Variants in ANKH observed in about 807,000 individuals in gnomAD.
The protein encoded by ANKH is ANKH inorganic pyrophosphate transport regulator.
ANKH carries 15 observed loss-of-function variants against 49.0 expected under a neutral mutation model. The ratio of observed to expected loss-of-function variants is 0.31; its 90% CI spans 0.20 to 0.47. The LOEUF is 0.47. ANKH is among the 20% of genes least tolerant of loss of function. ANKH has a pLI of 1.00. For synonymous variants in ANKH, 273 were observed against 260.0 expected (o/e 1.05, Z -0.48); for missense variants, 429 against 652.0 (o/e 0.66, Z 3.72).
chr5:14,714,546 T>C (rs534243700), intron 9 of ANKH, among the ~76,000 whole-genome samples: 2 of 152,312 alleles, frequency 1.3e-5, no homozygotes, highest in Admixed American at 1.3e-4. Context: ...TTCCAGGATA[T>C]GCTGGTTTGG....
rs549745539 is a variant in ANKH at position 14,825,482 on chromosome 5, G to A, written c.96+45870C>T. 2.6e-5 allele frequency among the ~76,000 whole-genome samples: 4 copies of A among 152,240 alleles called. No homozygotes were observed. The South Asian group carries it at 8.3e-4, about 32-fold the overall frequency. Reference sequence around the variant, plus strand: ...TCCTCCCATCTCAGCCTCCCGAGTAGCTGAGACTACAGGTGTGCACCACCA... The same window carrying A: ...TCCTCCCATCTCAGCCTCCCGAGTAACTGAGACTACAGGTGTGCACCACCA... On this transcript the variant is annotated intron_variant, in intron 1 of 11. Coordinates refer to ENST00000284268, the MANE Select transcript of ANKH (RefSeq NM_054027.6).
chr5:14,711,326 C>A lies in ANKH; in HGVS notation c.1366-16G>T. On this transcript the variant is annotated splice_polypyrimidine_tract_variant and intron_variant, in intron 11 of 11. Coordinates refer to ENST00000284268, the MANE Select transcript of ANKH (RefSeq NM_054027.6). ...TCTTCTTTTTCTAGACCAAAGAAGACTCATCAGTGTGGGGCTGTGGATGGG... is the reference window on the plus strand; with the variant it reads ...TCTTCTTTTTCTAGACCAAAGAAGAATCATCAGTGTGGGGCTGTGGATGGG... 1 of 1,606,568 alleles carries A rather than the reference C, an allele frequency of 6.2e-7. No individual in the cohort carries two copies. The highest frequency in any genetic ancestry group is 8.5e-7 in the Non-Finnish European group (1 of 1,173,132).
At chr5:14,743,828 C>G (rs1431972925) in intron 7 of ANKH, among the ~76,000 whole-genome samples, 1 of 152,192 alleles carries the variant, frequency 6.6e-6, no homozygotes, top group Non-Finnish European at 1.5e-5. Flanking sequence ...TTTTATAGCT[C>G]CTAGCCTCTG....
intron 1 of ANKH, among the ~76,000 whole-genome samples, chr5:14,848,126 G>A (rs914367735): frequency 6.6e-6 from 1 of 152,140 alleles, no homozygotes; most frequent in South Asian, 2.1e-4. Flanking sequence ...GCGATGGACC[G>A]AGATTCTGTT....
At chr5:14,785,078 G>A (rs770396572) in intron 1 of ANKH, among the ~76,000 whole-genome samples, 8 of 152,188 alleles carry the variant, frequency 5.3e-5, no homozygotes, top group Non-Finnish European at 1.0e-4. Context: ...TGAGGTCTGA[G>A]AGCAGACAGT....
intron 1 of ANKH, among the ~76,000 whole-genome samples, chr5:14,838,513 A>G (rs1173842300): frequency 6.6e-6 from 1 of 152,094 alleles, no homozygotes; most frequent in African/African-American, 2.4e-5. Flanking sequence ...CTTGGACTCA[A>G]GGGGTATGTA....
chr5:14,824,147 G>A (rs1207772086), intron 1 of ANKH, among the ~76,000 whole-genome samples: 1 of 152,014 alleles, frequency 6.6e-6, no homozygotes, highest in Non-Finnish European at 1.5e-5. Context: ...TCCCAGCAGG[G>A]CCATCCTTCC....
chr5:14,831,812 T>C (rs1741514770), intron 1 of ANKH, among the ~76,000 whole-genome samples: 1 of 152,208 alleles, frequency 6.6e-6, no homozygotes, highest in Non-Finnish European at 1.5e-5. Context: ...TTCACCGTGC[T>C]AATTAAGGAA....
At chr5:14,790,152 G>T (rs916702474) in intron 1 of ANKH, among the ~76,000 whole-genome samples, 1 of 152,116 alleles carries the variant, frequency 6.6e-6, no homozygotes, top group Non-Finnish European at 1.5e-5. Flanking sequence ...TTTCTACTCC[G>T]CCTCCCTCCT....
Position 14,769,073 on chromosome 5 carries a change from A to G in ANKH, c.215T>C (p.Val72Ala), listed in dbSNP as rs1239514408. Reference sequence around the variant, plus strand: ...CTTGCTGTTCACAAACACCAGGCCCACATTTTTGAAGTCACTCATGGGACC... The same window carrying G: ...CTTGCTGTTCACAAACACCAGGCCCGCATTTTTGAAGTCACTCATGGGACC... Reference protein sequence around the residue: ...FTGPMSDFKNVGLVFVNSKRD... With the variant: ...FTGPMSDFKNAGLVFVNSKRD... The change falls in exon 2 of 12, where the codon GTG (valine) becomes GCG (alanine). Residue 72 changes from valine to alanine, a missense_variant. Coordinates refer to ENST00000284268, the MANE Select transcript of ANKH (RefSeq NM_054027.6). 1 of 1,614,054 alleles carries G rather than the reference A, an allele frequency of 6.2e-7. No individual in the cohort carries two copies. Among genetic ancestry groups the G allele is most frequent in the Non-Finnish European group, 8.5e-7 (1 of 1,180,044 alleles).
intron 1 of ANKH, among the ~76,000 whole-genome samples, chr5:14,806,877 A>C (rs895433040): frequency 6.6e-6 from 1 of 152,254 alleles, no homozygotes; most frequent in Non-Finnish European, 1.5e-5. Flanking sequence ...TGCTTCAGAA[A>C]GCCCACTTCA....
At chr5:14,760,547 T>G (rs550397300) in intron 2 of ANKH, among the ~76,000 whole-genome samples, 1 of 152,254 alleles carries the variant, frequency 6.6e-6, no homozygotes, top group South Asian at 2.1e-4. Flanking sequence ...TGCTGTTTAT[T>G]TGCACATGTG....
intron 2 of ANKH, among the ~76,000 whole-genome samples, chr5:14,759,832 A>C (rs1739018510): frequency 1.1e-5 from 1 of 89,198 alleles, no homozygotes; most frequent in African/African-American, 4.6e-5. Context: ...AGGAAAGGAA[A>C]GGGAAGGGAA....
chr5:14,727,273 TA>T (rs1737851550), intron 8 of ANKH, among the ~76,000 whole-genome samples: 1 of 152,128 alleles, frequency 6.6e-6, no homozygotes, highest in African/African-American at 2.4e-5. Context: ...AAATCTTGAA[TA>T]TTTTCATAAA....
chr5:14,724,837 C>T (rs1029267646), intron 8 of ANKH, among the ~76,000 whole-genome samples: 6 of 152,152 alleles, frequency 3.9e-5, no homozygotes, highest in Non-Finnish European at 7.3e-5. Context: ...GAGGGCACTG[C>T]CAAGTGCTCG....
At chr5:14,809,976 C>T (rs1323202109) in intron 1 of ANKH, among the ~76,000 whole-genome samples, 2 of 152,072 alleles carry the variant, frequency 1.3e-5, no homozygotes, top group Admixed American at 6.6e-5. Flanking sequence ...TGAATTCAAG[C>T]CACAGACACG....
At chr5:14,755,797 C>A in intron 4 of ANKH, 64 bp downstream of exon 4, 1 of 1,450,482 alleles carries the variant, frequency 6.9e-7, no homozygotes, top group Non-Finnish European at 9.7e-7. Context: ...ATAAATCACA[C>A]ATCAGTTACA....
At chr5:14,766,505 A>G (rs955330767) in intron 2 of ANKH, among the ~76,000 whole-genome samples, 5 of 152,214 alleles carry the variant, frequency 3.3e-5, no homozygotes, top group South Asian at 2.1e-4. Flanking sequence ...CAACCCCAAA[A>G]AGAAAGAATC....
chr5:14,746,712 T>G (rs1738554561), intron 6 of ANKH, among the ~76,000 whole-genome samples: 1 of 152,188 alleles, frequency 6.6e-6, no homozygotes, highest in Non-Finnish European at 1.5e-5. Context: ...AAACTGTAAG[T>G]TTCTCCCAAA....
Sources: gnomAD v4.1 joint callset for allele counts (sites outside exome capture counted in the v4.1 genomes callset) on GRCh38, gnomAD v4.1.1 for gene constraint, MANE v1.5 for transcripts, NCBI Gene and HGNC (gene_info 2026-07-23, HGNC 2026-07-21) for gene names.